The following TAFA1 variants were observed in gnomAD, a reference collection of about 807,000 sequenced individuals.
TAFA1 encodes the protein chemokine-like protein TAFA-1.
Under a neutral mutation model 18.5 loss-of-function variants are expected in TAFA1, and 4 were observed. The ratio of observed to expected loss-of-function variants is 0.22; its 90% CI spans 0.11 to 0.49. The LOEUF (loss-of-function observed/expected upper bound fraction) is 0.49. Ranked by LOEUF, TAFA1 falls within the 20% of genes least tolerant of loss-of-function variation. The pLI, the probability that TAFA1 is intolerant of heterozygous loss-of-function variation, is 0.98. For missense variants in TAFA1, 147 were observed against 169.0 expected (o/e 0.87, Z 0.72); for synonymous variants, 56 against 55.2 (o/e 1.01, Z -0.06).
intron 2 of TAFA1, among the ~76,000 whole-genome samples, chr3:68,134,592 T>A (rs1424080331): frequency 6.6e-6 from 1 of 152,166 alleles, no homozygotes; most frequent in East Asian, 1.9e-4. Context: ...ATAGTTAGAA[T>A]ATTTAAGTTG....
At chr3:67,999,787 T>A (rs1195337707), upstream of TAFA1, among the ~76,000 whole-genome samples, 1 of 146,906 alleles carries the variant, frequency 6.8e-6, no homozygotes, top group Non-Finnish European at 1.5e-5. Context: ...CACCCTTATT[T>A]CTTTCCTTTC....
chr3:68,122,580 AT>A (rs1177171768), intron 2 of TAFA1, among the ~76,000 whole-genome samples: 4 of 152,202 alleles, frequency 2.6e-5, no homozygotes, highest in Non-Finnish European at 5.9e-5. Flanking sequence ...TTAAATATGA[AT>A]TTAGGACCAT....
Position 68,078,780 on chromosome 3 carries a change from G to A in TAFA1, c.118+72036G>A, listed in dbSNP as rs535806258. ...CATTGGTCTAAAATTCTCTTTTTTT[G>A]TTGTGTCTCTGCCTGGCTTTGGTAT... is the stretch of plus-strand genomic sequence containing the variant. On this transcript the variant is annotated intron_variant, in intron 2 of 4. Coordinates refer to ENST00000478136, the MANE Select transcript of TAFA1 (RefSeq NM_213609.4). Among the ~76,000 whole-genome samples, 558 of 152,092 alleles carry A rather than the reference G, an allele frequency of 3.7e-3. 5 individuals carry two copies. Among genetic ancestry groups the A allele is most frequent in the African/African-American group, 0.013 (521 of 41,492 alleles).
intron 2 of TAFA1, among the ~76,000 whole-genome samples, chr3:68,244,529 A>T (rs1220307006): frequency 1.3e-5 from 2 of 152,150 alleles, no homozygotes; most frequent in African/African-American, 4.8e-5. Flanking sequence ...CTATTGAATC[A>T]AAGAATGATT....
intron 3 of TAFA1, among the ~76,000 whole-genome samples, chr3:68,466,752 A>G (rs2071892887): frequency 6.6e-6 from 1 of 152,194 alleles, no homozygotes; most frequent in South Asian, 2.1e-4. Context: ...TACTAAGATC[A>G]TGGTTTATCG....
chr3:68,078,947 CT>C (rs1386810127), intron 2 of TAFA1, among the ~76,000 whole-genome samples: 1 of 152,126 alleles, frequency 6.6e-6, no homozygotes, highest in East Asian at 1.9e-4. Flanking sequence ...GTCCTGTACT[CT>C]TTTTGGCTGG....
intron 2 of TAFA1, among the ~76,000 whole-genome samples, chr3:68,088,723 GA>G (rs1275822222): frequency 6.6e-6 from 1 of 152,182 alleles, no homozygotes; most frequent in African/African-American, 2.4e-5. Flanking sequence ...CTGAGCCAAG[GA>G]GTGATTTGAT....
At chr3:68,428,385 C>T (rs901101477) in intron 3 of TAFA1, among the ~76,000 whole-genome samples, 3 of 151,942 alleles carry the variant, frequency 2.0e-5, no homozygotes, top group African/African-American at 4.8e-5. Flanking sequence ...CATCCATTAA[C>T]AGCAGCTAGA....
At chr3:68,297,555 A>G (rs1393824639) in intron 2 of TAFA1, among the ~76,000 whole-genome samples, 1 of 152,212 alleles carries the variant, frequency 6.6e-6, no homozygotes, top group Non-Finnish European at 1.5e-5. Flanking sequence ...CTGATGGGCA[A>G]TAATGTCTGG....
chr3:68,160,617 A>G (rs554655853), intron 2 of TAFA1, among the ~76,000 whole-genome samples: 1 of 152,372 alleles, frequency 6.6e-6, no homozygotes, highest in East Asian at 1.9e-4. Context: ...TAAGTGTAAC[A>G]TCTCCAAAAC....
chr3:68,442,631 C>A (rs2071404793), intron 3 of TAFA1, among the ~76,000 whole-genome samples: 1 of 152,016 alleles, frequency 6.6e-6, no homozygotes. Flanking sequence ...AAGAGGGAGG[C>A]AGGGAGGAAA....
At chr3:68,047,479 G>T (rs1344107379) in intron 2 of TAFA1, among the ~76,000 whole-genome samples, 2 of 152,134 alleles carry the variant, frequency 1.3e-5, no homozygotes, top group African/African-American at 4.8e-5. Context: ...ATGAAGATGG[G>T]AAGCCCTCAT....
intron 2 of TAFA1, among the ~76,000 whole-genome samples, chr3:68,370,353 TACACACACACACAC>T (rs1553682471): frequency 9.7e-5 from 4 of 41,114 alleles, no homozygotes; most frequent in African/African-American, 2.3e-4. Context: ...TATATATATA[TACACACACACACAC>T]ATATATATAT....
intron 3 of TAFA1, among the ~76,000 whole-genome samples, chr3:68,515,718 A>G (rs2072910881): frequency 6.6e-6 from 1 of 152,250 alleles, no homozygotes. Flanking sequence ...AGCTTGGGCT[A>G]ATTAAAATCT....
chr3:68,065,013 AG>A (rs1367118304), intron 2 of TAFA1, among the ~76,000 whole-genome samples: 3 of 152,090 alleles, frequency 2.0e-5, no homozygotes, highest in African/African-American at 7.2e-5. Flanking sequence ...AGACCCATCA[AG>A]AAGAGCAAAA....
intron 2 of TAFA1, among the ~76,000 whole-genome samples, chr3:68,388,877 A>T (rs1163964968): frequency 6.6e-6 from 1 of 152,174 alleles, no homozygotes; most frequent in Non-Finnish European, 1.5e-5. Context: ...TCTCCATGTG[A>T]TTAGCCATTA....
intron 2 of TAFA1, among the ~76,000 whole-genome samples, chr3:68,252,658 T>A (rs1296264029): frequency 6.6e-6 from 1 of 152,184 alleles, no homozygotes; most frequent in Non-Finnish European, 1.5e-5. Context: ...AAGTACTTTC[T>A]GAAGCCAAAC....
chr3:68,345,104 G>T (rs2069144380), intron 2 of TAFA1, among the ~76,000 whole-genome samples: 1 of 151,660 alleles, frequency 6.6e-6, no homozygotes, highest in Admixed American at 6.6e-5. Flanking sequence ...GGCATCATAT[G>T]GAGTGTAACA....
intron 3 of TAFA1, among the ~76,000 whole-genome samples, chr3:68,443,038 T>TTA (rs1188476633): frequency 6.6e-6 from 1 of 152,124 alleles, no homozygotes; most frequent in Non-Finnish European, 1.5e-5. Flanking sequence ...CGTGGCTCTG[T>TTA]TATATATGAC....
Sources: allele counts gnomAD v4.1 joint callset (sites outside exome capture counted in the v4.1 genomes callset), GRCh38; gene constraint gnomAD v4.1.1; transcripts MANE v1.5; gene names NCBI Gene and HGNC (gene_info 2026-07-23, HGNC 2026-07-21).